Variants in GRID2 observed in about 807,000 individuals in gnomAD.
The protein encoded by GRID2 is glutamate receptor ionotropic, delta-2.
GRID2 carries 33 observed loss-of-function variants against 114.8 expected under a neutral mutation model. The observed-to-expected ratio is 0.29, with a 90% CI of 0.22 to 0.38. The LOEUF (loss-of-function observed/expected upper bound fraction) is 0.38, where lower values mean the gene tolerates loss of function less well. Among genes scored for constraint, GRID2 ranks in the 10% least tolerant of loss-of-function variants. GRID2 has a pLI of 1.00. For synonymous variants in GRID2, 505 were observed against 449.9 expected, an observed-to-expected ratio of 1.12 and a Z score of -1.55; for missense variants, 1,184 against 1,257.7, an observed-to-expected ratio of 0.94 and a Z score of 0.89.
chr4:92,666,650 G>GGTTTTTTTTT, intron 2 of GRID2, among the ~76,000 whole-genome samples: 1 of 68,600 alleles, frequency 1.5e-5, no homozygotes, highest in South Asian at 5.7e-4. Context: ...CTTAAGGGTT[G>GGTTTTTTTTT]TTTTTTTTTT....
intron 9 of GRID2, among the ~76,000 whole-genome samples, chr4:93,397,447 A>G (rs1281432711): frequency 1.3e-5 from 2 of 151,104 alleles, no homozygotes; most frequent in Non-Finnish European, 3.0e-5. Context: ...GCAGTGAAAG[A>G]CGGTATATGT....
intron 2 of GRID2, among the ~76,000 whole-genome samples, chr4:93,055,685 A>G (rs1032194157): frequency 1.9e-4 from 29 of 152,094 alleles, no homozygotes; most frequent in African/African-American, 7.0e-4. Context: ...TCTAAATTCC[A>G]AATTATTTTA....
chr4:92,385,680 G>C (rs1729913494), intron 1 of GRID2, among the ~76,000 whole-genome samples: 1 of 150,622 alleles, frequency 6.6e-6, no homozygotes, highest in Admixed American at 6.7e-5. Flanking sequence ...TGAATTATTA[G>C]GTTTCTATAC....
At chr4:93,497,296 T>C (rs1727642048) in intron 12 of GRID2, among the ~76,000 whole-genome samples, 1 of 151,792 alleles carries the variant, frequency 6.6e-6, no homozygotes, top group Non-Finnish European at 1.5e-5. Flanking sequence ...GCAAATATTT[T>C]CTCCTAGTCT....
chr4:93,242,780 G>A (rs1284344823), intron 8 of GRID2, among the ~76,000 whole-genome samples: 2 of 152,008 alleles, frequency 1.3e-5, no homozygotes, highest in African/African-American at 4.8e-5. Flanking sequence ...ATGTTTGTGA[G>A]GGTGGCAGAG....
intron 2 of GRID2, among the ~76,000 whole-genome samples, chr4:92,987,984 C>T (rs1754616860): frequency 6.6e-6 from 1 of 152,124 alleles, no homozygotes; most frequent in Non-Finnish European, 1.5e-5. Flanking sequence ...GTGTTACAGA[C>T]TTAAAATTTA....
intron 2 of GRID2, among the ~76,000 whole-genome samples, chr4:92,771,018 A>T (rs1284633410): frequency 6.6e-6 from 1 of 152,194 alleles, no homozygotes; most frequent in East Asian, 1.9e-4. Flanking sequence ...ATTTATAAAA[A>T]ATCATGATGT....
At chr4:92,627,103 A>G (rs2149243282) in intron 2 of GRID2, among the ~76,000 whole-genome samples, 1 of 152,244 alleles carries the variant, frequency 6.6e-6, no homozygotes, top group East Asian at 1.9e-4. Flanking sequence ...TGCAGAATCA[A>G]CAATAGAGCA....
At chr4:92,928,181 T>C (rs1461156238) in intron 2 of GRID2, among the ~76,000 whole-genome samples, 1 of 151,710 alleles carries the variant, frequency 6.6e-6, no homozygotes, top group Non-Finnish European at 1.5e-5. Context: ...CCAGTCTATT[T>C]TATTATCCTT....
intron 1 of GRID2, among the ~76,000 whole-genome samples, chr4:92,537,639 T>G (rs1725710229): frequency 6.6e-6 from 1 of 152,214 alleles, no homozygotes; most frequent in South Asian, 2.1e-4. Context: ...TATGTTTTAA[T>G]AGGCTTGTTC....
intron 2 of GRID2, among the ~76,000 whole-genome samples, chr4:93,045,152 C>T (rs1002262125): frequency 6.6e-6 from 1 of 152,076 alleles, no homozygotes; most frequent in Non-Finnish European, 1.5e-5. Flanking sequence ...GCAGAATCGA[C>T]TATGTCTAAT....
chr4:92,756,158 CT>C (rs1163100999), intron 2 of GRID2, among the ~76,000 whole-genome samples: 2 of 152,128 alleles, frequency 1.3e-5, no homozygotes, highest in Non-Finnish European at 2.9e-5. Flanking sequence ...ATGAGATCAA[CT>C]TTTTAGCTCC....
chr4:92,561,195 G>A (rs1336912772), intron 1 of GRID2, among the ~76,000 whole-genome samples: 1 of 152,166 alleles, frequency 6.6e-6, no homozygotes, highest in African/African-American at 2.4e-5. Flanking sequence ...GGAAGTCTTT[G>A]AAAAGTCCTT....
At chr4:93,380,766 A>G (rs938031769) in intron 8 of GRID2, among the ~76,000 whole-genome samples, 5 of 152,072 alleles carry the variant, frequency 3.3e-5, no homozygotes, top group African/African-American at 1.2e-4. Flanking sequence ...ATGTGTTTCA[A>G]TGATGAAATA....
chr4:92,326,225 G>A (rs112600434), intron 1 of GRID2, among the ~76,000 whole-genome samples: 9 of 151,802 alleles, frequency 5.9e-5, no homozygotes, highest in Admixed American at 4.0e-4. Flanking sequence ...ACTGATTAAA[G>A]GTCAGTAACT....
At chr4:92,729,986 G>A (rs901586399) in intron 2 of GRID2, among the ~76,000 whole-genome samples, 3 of 151,724 alleles carry the variant, frequency 2.0e-5, no homozygotes, top group African/African-American at 7.3e-5. Context: ...AATATAATGA[G>A]GAATTATAAT....
intron 10 of GRID2, among the ~76,000 whole-genome samples, chr4:93,445,492 T>C (rs1722012333): frequency 6.6e-6 from 1 of 152,050 alleles, no homozygotes; most frequent in African/African-American, 2.4e-5. Context: ...TGCTTCCCTA[T>C]GTTTTGTAAA....
At chr4:93,632,174 C>A (rs899971344) in intron 14 of GRID2, among the ~76,000 whole-genome samples, 8 of 152,152 alleles carry the variant, frequency 5.3e-5, no homozygotes, top group Non-Finnish European at 1.0e-4. Context: ...GTTGCCTGTT[C>A]ACTCTGATGG....
chr4:93,190,085 T>A (rs1168635283), intron 4 of GRID2, among the ~76,000 whole-genome samples: 1 of 152,170 alleles, frequency 6.6e-6, no homozygotes, highest in East Asian at 1.9e-4. Context: ...ATTGGCATAG[T>A]TTAGAATGCC....
Sources: gnomAD v4.1 joint callset for allele counts (sites outside exome capture counted in the v4.1 genomes callset) on GRCh38, gnomAD v4.1.1 for gene constraint, MANE v1.5 for transcripts, NCBI Gene and HGNC (gene_info 2026-07-23, HGNC 2026-07-21) for gene names.